Variants in CASK observed in about 807,000 individuals in gnomAD.
CASK encodes the protein calcium/calmodulin dependent serine protein kinase, also known as peripheral plasma membrane protein CASK.
In CASK, 4 loss-of-function variants were observed where a neutral mutation model predicts 82.9. The ratio of observed to expected loss-of-function variants is 0.05; its 90% CI spans 0.02 to 0.11. CASK has a LOEUF of 0.11. Among genes scored for constraint, CASK ranks in the 10% least tolerant of loss-of-function variants. The pLI is 1.00. For missense variants in CASK, 358 were observed against 720.9 expected, an observed-to-expected ratio of 0.50 and a Z score of 5.76; for synonymous variants, 259 against 253.5, an observed-to-expected ratio of 1.02 and a Z score of -0.20.
Position 41,517,501 on chromosome X carries a change from A to G in CASK, c.*2919T>C. On this transcript the variant is annotated 3_prime_UTR_variant, in exon 27 of 27. Transcript: ENST00000378163. The stretch of plus-strand genomic sequence containing the variant: ...ATTACTGTCTTGTGACTGGAAAATC[A>G]GGACATTTCATCTTTTTAACAAAGA... 3.7e-6 allele frequency: 1 copy of G among 266,682 alleles called. No homozygotes were observed. Among genetic ancestry groups the G allele is most frequent in the East Asian group, 7.0e-5 (1 of 14,247 alleles). 22.0% of individuals were successfully genotyped at this position (266,682 alleles called of 1,213,427 possible). A position where few individuals can be genotyped will look rare whatever the true frequency, so the allele number is the denominator to read the frequency against.
chrX:41,874,096 T>C (rs2071764812), intron 1 of CASK, among the ~76,000 whole-genome samples: 1 of 111,755 alleles, frequency 8.9e-6, no homozygotes, highest in Non-Finnish European at 1.9e-5. Flanking sequence ...CAGCCAGTTT[T>C]TGCTATTACT....
chrX:41,797,533 C>A (rs2069886884), intron 2 of CASK, among the ~76,000 whole-genome samples: 1 of 111,495 alleles, frequency 9.0e-6, no homozygotes, highest in Non-Finnish European at 1.9e-5. Flanking sequence ...ATACAGGACC[C>A]ATTTACCCAA....
At chrX:41,688,106 A>C (rs2067476308) in intron 5 of CASK, among the ~76,000 whole-genome samples, 1 of 110,972 alleles carries the variant, frequency 9.0e-6, no homozygotes, top group East Asian at 2.8e-4. Context: ...TCTAAGGGGA[A>C]GTAAGAGCTA....
chrX:41,842,249 G>A (rs773807778), intron 2 of CASK, among the ~76,000 whole-genome samples: 10 of 111,500 alleles, frequency 9.0e-5, no homozygotes, highest in Non-Finnish European at 1.5e-4. Flanking sequence ...TTATGCCAGG[G>A]TTACACTATG....
intron 2 of CASK, among the ~76,000 whole-genome samples, chrX:41,809,255 A>C (rs1050270689): frequency 8.9e-6 from 1 of 112,066 alleles, no homozygotes; most frequent in African/African-American, 3.2e-5. Context: ...TTCTCCCAGC[A>C]TGGAGTTTTA....
intron 25 of CASK, chrX:41,529,575 G>C (rs1410051485): frequency 8.8e-6 from 1 of 114,005 alleles, no homozygotes; most frequent in Admixed American, 9.4e-5. Flanking sequence ...AACCCAAGGA[G>C]AGGATGTCGA....
intron 1 of CASK, among the ~76,000 whole-genome samples, chrX:41,892,174 C>T (rs2072181994): frequency 9.2e-6 from 1 of 108,667 alleles, no homozygotes; most frequent in Non-Finnish European, 1.9e-5. Context: ...GCCTGGGTGA[C>T]AGACTGAGAC....
In CASK at chrX:41,568,083, C is replaced by A. The variant is rs1188046543; in HGVS notation, c.1582+1585G>T. On this transcript the variant is annotated intron_variant, in intron 16 of 26. Transcript: ENST00000378163. ...GGCGGGGAACATCACACACTGGGGC[C>A]TGTCAGGGGGTGGGGGGCTGGGGGA... Among the ~76,000 whole-genome samples, 11 of 44,108 alleles carry A rather than the reference C, an allele frequency of 2.5e-4. No homozygotes were observed. The East Asian group carries it at 8.2e-3, about 33-fold the overall frequency. The allele number at this position is 44,108 out of a possible 115,157, so 38.3% of individuals were successfully genotyped here. A position where few individuals can be genotyped will look rare whatever the true frequency, so the allele number is the denominator to read the frequency against.
rs748581796 is a variant in CASK at position 41,727,475 on chromosome X, A to G, written c.429+11909T>C. On this transcript the variant is annotated intron_variant, in intron 5 of 26. Transcript: ENST00000378163. Reference sequence around the variant, plus strand: ...TTACTGAAAAAATTTCGCCAGCCCAACTTTGCTAGAAAACTATGCATTTAC... The same window carrying G: ...TTACTGAAAAAATTTCGCCAGCCCAGCTTTGCTAGAAAACTATGCATTTAC... The G allele has an allele frequency of 1.2e-5, 14 of 1,207,998 alleles. No individual in the cohort carries two copies. In the African/African-American group the frequency reaches 2.4e-4, roughly 21 times the overall value.
At chrX:41,845,198 G>A (rs907344364) in intron 2 of CASK, among the ~76,000 whole-genome samples, 3 of 111,726 alleles carry the variant, frequency 2.7e-5, no homozygotes, top group Non-Finnish European at 5.7e-5. Flanking sequence ...AGGTCTAGTT[G>A]GTTTCTAGTG....
chrX:41,909,202 G>A (rs1318633588), intron 1 of CASK, among the ~76,000 whole-genome samples: 1 of 111,182 alleles, frequency 9.0e-6, no homozygotes, highest in Admixed American at 9.5e-5. Context: ...GCTGCTACTG[G>A]TCAGAAGATC....
At position 41,873,785 on chromosome X, in the gene CASK, C is replaced by CTTTTTTTTTT. The variant is rs781735208; in HGVS notation, c.60-20568_60-20559dup. Among the ~76,000 whole-genome samples, 2 of 88,601 alleles carry CTTTTTTTTTT rather than the reference C, an allele frequency of 2.3e-5. 1 individual carries two copies. 76.9% of individuals were successfully genotyped at this position (88,601 alleles called of 115,157 possible). ...AAAGTAATTGCAGTTTTTGTTGTTC[C>CTTTTTTTTTT]TTTTTTTTTTTTTTTTTTTTTGGAG... On this transcript the variant is annotated intron_variant, in intron 1 of 26. Transcript: ENST00000378163.
rs2068298303 is a variant in CASK at position 41,727,975 on chromosome X, A to C, written c.429+11409T>G. On this transcript the variant is annotated intron_variant, in intron 5 of 26. Transcript: ENST00000378163. The stretch of plus-strand genomic sequence containing the variant: ...ATTTCTTTTATTAGATAAAACATTC[A>C]AGAAGACACTATATAATCTCTTTAC... The C allele has an allele frequency of 8.7e-7, 1 of 1,153,264 alleles. No homozygotes were observed. Among genetic ancestry groups the C allele is most frequent in the Non-Finnish European group, 1.2e-6 (1 of 846,404 alleles).
intron 5 of CASK, among the ~76,000 whole-genome samples, chrX:41,713,274 A>G (rs1475999412): frequency 8.9e-6 from 1 of 112,068 alleles, no homozygotes; most frequent in Non-Finnish European, 1.9e-5. Context: ...TAAATGCTCA[A>G]GAGTGGAAGA....
In CASK at chrX:41,518,784, A is replaced by G. The variant is rs972473987; in HGVS notation, c.*1636T>C. 7 of 111,104 alleles carry G rather than the reference A, an allele frequency of 6.3e-5. No individual in the cohort carries two copies. Among genetic ancestry groups the G allele is most frequent in the Non-Finnish European group, 9.4e-5 (5 of 53,056 alleles). The allele number at this position is 111,104 out of a possible 1,213,427, so 9.2% of individuals were successfully genotyped here. On this transcript the variant is annotated 3_prime_UTR_variant, in exon 27 of 27. Transcript: ENST00000378163. Reference sequence around the variant, plus strand: ...ATGTTTTCAAGGATCACAGGTTAATATAAGCACTTCACACCCTCACATGCT... The same window carrying G: ...ATGTTTTCAAGGATCACAGGTTAATGTAAGCACTTCACACCCTCACATGCT...
intron 2 of CASK, among the ~76,000 whole-genome samples, chrX:41,848,901 T>C (rs1029794229): frequency 8.9e-6 from 1 of 112,163 alleles, no homozygotes; most frequent in African/African-American, 3.2e-5. Flanking sequence ...TAAGAATCAG[T>C]CAGTTTTCTT....
intron 17 of CASK, among the ~76,000 whole-genome samples, chrX:41,561,105 T>C (rs1225706675): frequency 9.0e-6 from 1 of 110,822 alleles, no homozygotes; most frequent in East Asian, 2.8e-4. Context: ...ATTTTGGATA[T>C]GTATGGTCAA....
intron 3 of CASK, among the ~76,000 whole-genome samples, chrX:41,774,875 A>G (rs1347469906): frequency 8.9e-6 from 1 of 111,859 alleles, no homozygotes; most frequent in Non-Finnish European, 1.9e-5. Flanking sequence ...ACCTTACACA[A>G]AAATTAATTC....
intron 3 of CASK, among the ~76,000 whole-genome samples, chrX:41,774,735 T>C (rs1266110957): frequency 1.8e-5 from 2 of 108,439 alleles, no homozygotes; most frequent in African/African-American, 6.7e-5. Flanking sequence ...ATGCCGCATA[T>C]CTACAACTAT....
Sources: gnomAD v4.1 joint callset for allele counts (sites outside exome capture counted in the v4.1 genomes callset) on GRCh38, gnomAD v4.1.1 for gene constraint, MANE v1.5 for transcripts, NCBI Gene and HGNC (gene_info 2026-07-23, HGNC 2026-07-21) for gene names.